MALRD1: variants seen among roughly 807,000 people sequenced by gnomAD.
MALRD1 encodes MAM and LDL-receptor class A domain-containing protein 1.
Under a neutral mutation model 242.1 loss-of-function variants are expected in MALRD1, and 247 were observed. The ratio of observed to expected loss-of-function variants is 1.02; its 90% CI spans 0.92 to 1.13. The LOEUF is 1.13. Among genes scored for constraint, MALRD1 ranks in the 50% most tolerant of loss-of-function variants. The probability of loss-of-function intolerance (pLI) is 0.00; values close to 1 mark genes in which losing one functional copy is unlikely to be tolerated. For synonymous variants in MALRD1, 995 were observed against 866.6 expected, an observed-to-expected ratio of 1.15 and a Z score of -2.60; for missense variants, 2,989 against 2,533.1, an observed-to-expected ratio of 1.18 and a Z score of -3.86.
At chr10:19,275,723 AG>A (rs761718434) in intron 19 of MALRD1, among the ~76,000 whole-genome samples, 5 of 152,146 alleles carry the variant, frequency 3.3e-5, no homozygotes, top group Non-Finnish European at 5.9e-5. Flanking sequence ...AGTAAATCCT[AG>A]GTATTTGTGA....
chr10:19,262,292 ACAAT>A (rs1839783983), intron 19 of MALRD1, among the ~76,000 whole-genome samples: 1 of 152,118 alleles, frequency 6.6e-6, no homozygotes. Context: ...AATAGTTAGC[ACAAT>A]CAAACTATTA....
At chr10:19,094,616 C>T (rs1299662470) in intron 4 of MALRD1, among the ~76,000 whole-genome samples, 2 of 152,112 alleles carry the variant, frequency 1.3e-5, no homozygotes, top group African/African-American at 4.8e-5. Flanking sequence ...TGGCTCCTCC[C>T]CCAACTTCCT....
chr10:19,581,225 A>C (rs975100322), intron 33 of MALRD1, among the ~76,000 whole-genome samples: 1 of 142,730 alleles, frequency 7.0e-6, no homozygotes, highest in Non-Finnish European at 1.5e-5. Context: ...TTATTTATTT[A>C]TTTATTATTA....
intron 14 of MALRD1, among the ~76,000 whole-genome samples, chr10:19,201,386 A>G (rs1202240356): frequency 6.6e-6 from 1 of 152,202 alleles, no homozygotes; most frequent in Admixed American, 6.5e-5. Context: ...AGTCACTGCA[A>G]TGATTTCTTA....
At chr10:19,512,123 CT>C (rs1325130379) in intron 31 of MALRD1, among the ~76,000 whole-genome samples, 1 of 152,060 alleles carries the variant, frequency 6.6e-6, no homozygotes. Context: ...CAGGGGCAGT[CT>C]TTCTCTAGTG....
chr10:19,257,955 C>T (rs1458065469), intron 19 of MALRD1, among the ~76,000 whole-genome samples, 184 bp downstream of exon 19: 1 of 152,060 alleles, frequency 6.6e-6, no homozygotes, highest in East Asian at 1.9e-4. Context: ...TTTCAAGTGT[C>T]AAACATAGTC....
At chr10:19,539,710 A>G (rs903524113) in intron 32 of MALRD1, among the ~76,000 whole-genome samples, 1 of 151,826 alleles carries the variant, frequency 6.6e-6, no homozygotes, top group Non-Finnish European at 1.5e-5. Context: ...TTTTTGAGAC[A>G]GGGTCTCACT....
At chr10:19,179,514 G>A (rs1038118603) in intron 14 of MALRD1, among the ~76,000 whole-genome samples, 2 of 151,972 alleles carry the variant, frequency 1.3e-5, no homozygotes, top group Non-Finnish European at 2.9e-5. Context: ...TCAGGGCATG[G>A]TGGCACACAC....
intron 14 of MALRD1, among the ~76,000 whole-genome samples, chr10:19,199,311 C>T (rs1836415633): frequency 6.6e-6 from 1 of 152,188 alleles, no homozygotes; most frequent in East Asian, 1.9e-4. Context: ...CCATTAAAAA[C>T]ACATAGCATA....
intron 32 of MALRD1, among the ~76,000 whole-genome samples, chr10:19,535,226 A>G (rs979379913): frequency 6.6e-6 from 1 of 152,156 alleles, no homozygotes. Context: ...TAAATATTGG[A>G]AACCACGTGA....
intron 18 of MALRD1, among the ~76,000 whole-genome samples, chr10:19,223,513 T>C (rs1222828816): frequency 6.6e-6 from 1 of 152,156 alleles, no homozygotes; most frequent in Non-Finnish European, 1.5e-5. Flanking sequence ...CCATTTTCAA[T>C]TTATTTACAT....
chr10:19,131,527 G>A (rs1833106626), intron 8 of MALRD1, among the ~76,000 whole-genome samples: 1 of 152,048 alleles, frequency 6.6e-6, no homozygotes, highest in African/African-American at 2.4e-5. Context: ...TCTGTGTAGG[G>A]TTTCCATGTA....
chr10:19,185,830 TG>T (rs1835715927), intron 14 of MALRD1, among the ~76,000 whole-genome samples: 1 of 151,948 alleles, frequency 6.6e-6, no homozygotes, highest in African/African-American at 2.4e-5. Flanking sequence ...TGTGTGTGTG[TG>T]TGTGTGTGTG....
intron 24 of MALRD1, among the ~76,000 whole-genome samples, chr10:19,333,192 A>C (rs1843463577): frequency 6.6e-6 from 1 of 152,060 alleles, no homozygotes; most frequent in South Asian, 2.1e-4. Context: ...GTACATTTGC[A>C]GGTTTCTTGT....
chr10:19,669,905 C>A (rs139013162), intron 36 of MALRD1, among the ~76,000 whole-genome samples: 14 of 151,976 alleles, frequency 9.2e-5, no homozygotes, highest in Non-Finnish European at 1.6e-4. Context: ...AAGAACCTCA[C>A]GCATGTTTAT....
intron 33 of MALRD1, among the ~76,000 whole-genome samples, chr10:19,593,874 C>T (rs973824654): frequency 1.3e-5 from 2 of 152,162 alleles, no homozygotes; most frequent in African/African-American, 4.8e-5. Flanking sequence ...GGGTTTGAAG[C>T]AGGTTATCTT....
chr10:19,673,583 C>G (rs1354975999), intron 36 of MALRD1, among the ~76,000 whole-genome samples: 1 of 152,066 alleles, frequency 6.6e-6, no homozygotes, highest in Non-Finnish European at 1.5e-5. Context: ...ATTTTTTGAG[C>G]TTCTATTACT....
chr10:19,133,759 A>G (rs887416624), intron 8 of MALRD1, 97 bp from the exon 9 acceptor site: 1 of 454,582 alleles, frequency 2.2e-6, no homozygotes, highest in Non-Finnish European at 3.6e-6. Context: ...TCATACAGGT[A>G]AGGTAATACC....
chr10:19,440,145 T>C (rs1834552436), intron 28 of MALRD1, among the ~76,000 whole-genome samples: 1 of 152,206 alleles, frequency 6.6e-6, no homozygotes, highest in Admixed American at 6.5e-5. Flanking sequence ...AAAAGATCTC[T>C]TTCACATTTT....
Sources: allele counts gnomAD v4.1 joint callset (sites outside exome capture counted in the v4.1 genomes callset), GRCh38; gene constraint gnomAD v4.1.1; transcripts MANE v1.5; gene names NCBI Gene and HGNC (gene_info 2026-07-23, HGNC 2026-07-21).